Variants in KLHL12 observed in about 807,000 individuals in gnomAD.
KLHL12 encodes kelch like family member 12.
Under a neutral mutation model 60.8 loss-of-function variants are expected in KLHL12, and 17 were observed. That is an observed-to-expected ratio of 0.28 (90% confidence interval 0.19 to 0.42). KLHL12 has a LOEUF of 0.42. KLHL12 is among the 10% of genes least tolerant of loss of function. The pLI is 1.00. For synonymous variants in KLHL12, 220 were observed against 250.9 expected, an observed-to-expected ratio of 0.88 and a Z score of 1.16; for missense variants, 468 against 722.3, an observed-to-expected ratio of 0.65 and a Z score of 4.04.
intron 4 of KLHL12, chr1:202,912,652 A>G (rs1660400974): frequency 1.5e-6 from 2 of 1,301,402 alleles, no homozygotes; most frequent in Non-Finnish European, 2.2e-6. Flanking sequence ...GGAGGCCAAT[A>G]CTCTGCCAAA....
At chr1:202,912,642 G>A (rs1660400782) in intron 4 of KLHL12, 3 of 1,328,992 alleles carry the variant, frequency 2.3e-6, no homozygotes, top group South Asian at 2.3e-5. Context: ...CTATGGCGGT[G>A]GAGGCCAATA....
Position 202,906,876 on chromosome 1 carries a change from G to T in KLHL12, c.832+2134C>A, listed in dbSNP as rs1181976807. Among the ~76,000 whole-genome samples the T allele has an allele frequency of 3.9e-5, 6 of 152,070 alleles. No individual in the cohort carries two copies. The East Asian group carries it at 1.2e-3, about 29-fold the overall frequency. On this transcript the variant is annotated intron_variant, in intron 6 of 11. Transcript: ENST00000367261. ...GGGGTTTCACCATGTTGGCCAGGCT[G>T]GTCTCGAACTACTGACCTCAAGTGA...
chr1:202,896,283 C>A (rs1659830657), intron 7 of KLHL12, among the ~76,000 whole-genome samples: 1 of 152,130 alleles, frequency 6.6e-6, no homozygotes, highest in Non-Finnish European at 1.5e-5. Flanking sequence ...AACTCCTGGG[C>A]TCAAGCAATC....
In KLHL12 at chr1:202,894,621, C is replaced by A; in HGVS notation, c.1264G>T (p.Val422Leu). 1.2e-6 allele frequency: 2 copies of A among 1,614,156 alleles called. No individual in the cohort carries two copies. Among genetic ancestry groups the A allele is most frequent in the Non-Finnish European group, 1.7e-6 (2 of 1,180,030 alleles). ...CAGTAGATCACTCCACTGGCCACTA[C>A]GAGTCCGGCACCTTCCCGGGCTGTC... is the stretch of plus-strand genomic sequence containing the variant. ...MQTAREGAGL[V>L]VASGVIYCLG... The change falls in exon 9 of 12, where the codon GTA becomes TTA. Residue 422 changes from valine to leucine, a missense_variant. Physicochemically the swap from Val to Leu is conservative, Grantham distance 32. Transcript: ENST00000367261.
chr1:202,912,215 T>C, intron 4 of KLHL12: 1 of 1,085,440 alleles, frequency 9.2e-7, no homozygotes, highest in Non-Finnish European at 1.4e-6. Context: ...CGGAAGTGAT[T>C]GAAATCATGA....
intron 6 of KLHL12, among the ~76,000 whole-genome samples, chr1:202,906,532 C>T (rs1289124162): frequency 6.8e-6 from 1 of 147,852 alleles, no homozygotes; most frequent in African/African-American, 2.5e-5. Flanking sequence ...TTAATGGGTA[C>T]AGAGTTTCAG....
At chr1:202,900,629 C>T (rs929991152) in intron 6 of KLHL12, among the ~76,000 whole-genome samples, 2 of 152,032 alleles carry the variant, frequency 1.3e-5, no homozygotes, top group Non-Finnish European at 2.9e-5. Flanking sequence ...TTTGGGAGGC[C>T]GAGGCGGGTG....
At position 202,895,251 on chromosome 1, in the gene KLHL12, G is replaced by A. The variant is rs1201922394; in HGVS notation, c.1135+271C>T. On this transcript the variant is annotated intron_variant, in intron 8 of 11. Transcript: ENST00000367261. The surrounding 1 kb of genome is among the most constrained non-coding windows in gnomAD (Gnocchi z 4.2). Reference sequence around the variant, plus strand: ...TACTAAAAATACAAAAATATAGCTGGGCATGGTGGTGCATGCCTGTAGTCC... The same window carrying A: ...TACTAAAAATACAAAAATATAGCTGAGCATGGTGGTGCATGCCTGTAGTCC... Among the ~76,000 whole-genome samples the A allele has an allele frequency of 6.6e-6, 1 of 151,906 alleles. No individual in the cohort carries two copies. The highest frequency in any genetic ancestry group is 1.5e-5 in the Non-Finnish European group (1 of 67,972).
intron 4 of KLHL12, chr1:202,912,239 T>A: frequency 9.0e-7 from 1 of 1,111,212 alleles, no homozygotes; most frequent in Non-Finnish European, 1.4e-6. Context: ...ACTGAGGCAG[T>A]GGCAAGAAAA....
Position 202,894,734 on chromosome 1 carries a change from G to C in KLHL12, c.1151C>G (p.Ser384Cys). ...ATTLGDMIYV[S>C]GGFDGSRRHT... ...ACGCCTGCTTCCATCAAAGCCTCCA[G>C]AGACATAGATCATATCTGCTCAGAA... The change falls in exon 9 of 12, where the codon TCT becomes TGT. Residue 384 changes from serine to cysteine, a missense_variant. Transcript: ENST00000367261. The C allele has an allele frequency of 6.2e-7, 1 of 1,613,682 alleles. No homozygotes were observed. Among genetic ancestry groups the C allele is most frequent in the Non-Finnish European group, 8.5e-7 (1 of 1,179,590 alleles).
intron 6 of KLHL12, among the ~76,000 whole-genome samples, chr1:202,903,158 TCAAA>T (rs1453103474): frequency 1.9e-4 from 3 of 15,438 alleles, no homozygotes; most frequent in African/African-American, 3.0e-4. Flanking sequence ...AGACCTTGTC[TCAAA>T]AAAAAAAAAA....
rs1278420673 is a variant in KLHL12, at chr1:202,924,908, T to C, written c.195+60A>G. The C allele has an allele frequency of 8.3e-6, 13 of 1,558,512 alleles. No individual in the cohort carries two copies. The East Asian group carries it at 9.0e-5, about 11-fold the overall frequency. On this transcript the variant is annotated intron_variant, in intron 2 of 11. Coordinates refer to ENST00000367261, the MANE Select transcript of KLHL12 (RefSeq NM_021633.4). ...ATCAAACTTCCACTATTTTATTCAG[T>C]GAAATTAGACAACTAGAGTTCCACG... is the stretch of plus-strand genomic sequence containing the variant.
At chr1:202,901,202 C>T (rs4950887) in intron 6 of KLHL12, among the ~76,000 whole-genome samples, 118,768 of 152,124 alleles carry the variant, frequency 0.78, 47,625 homozygotes, top group East Asian at 0.9. Flanking sequence ...CCAATAAACA[C>T]TCTGGTAACT....
intron 2 of KLHL12, among the ~76,000 whole-genome samples, chr1:202,923,559 C>T (rs189666976): frequency 1.3e-5 from 2 of 152,208 alleles, no homozygotes; most frequent in East Asian, 3.9e-4. Context: ...ATTCATACTT[C>T]GGAGGCTAAG....
chr1:202,897,499 C>T (rs1659878175), intron 6 of KLHL12, among the ~76,000 whole-genome samples: 1 of 152,004 alleles, frequency 6.6e-6, no homozygotes, highest in African/African-American at 2.4e-5. Context: ...GCTGGGATTA[C>T]AGGTGTGAGT....
At chr1:202,914,864 T>TAAAAAAAAAAA in intron 4 of KLHL12, 1 of 109,870 alleles carries the variant, frequency 9.1e-6, no homozygotes, top group Non-Finnish European at 1.9e-5. Context: ...AAACTCCGTC[T>TAAAAAAAAAAA]AAAAAAAAAA....
At position 202,895,426 on chromosome 1, in the gene KLHL12, T is replaced by C; in HGVS notation, c.1135+96A>G. The C allele has an allele frequency of 9.5e-7, 1 of 1,053,486 alleles. No individual in the cohort carries two copies. Among genetic ancestry groups the C allele is most frequent in the Non-Finnish European group, 1.4e-6 (1 of 716,184 alleles). The allele number at this position is 1,053,486 out of a possible 1,614,324, so 65.3% of individuals were successfully genotyped here. ...AATAACATTTGACCTTAATTTTTTC[T>C]CCGTATTTCATGCTCCTGCCAGACA... is the stretch of plus-strand genomic sequence containing the variant. On this transcript the variant is annotated intron_variant, in intron 8 of 11. Coordinates refer to ENST00000367261, the MANE Select transcript of KLHL12 (RefSeq NM_021633.4). The surrounding 1 kb of genome is among the most constrained non-coding windows in gnomAD (Gnocchi z 4.2).
intron 4 of KLHL12, among the ~76,000 whole-genome samples, chr1:202,911,484 T>C (rs1402695448): frequency 2.0e-5 from 3 of 151,956 alleles, no homozygotes; most frequent in Non-Finnish European, 4.4e-5. Context: ...CTCTCTAAGA[T>C]AGATAGTACC....
intron 6 of KLHL12, among the ~76,000 whole-genome samples, chr1:202,900,604 C>T (rs1400475863): frequency 2.0e-5 from 3 of 152,082 alleles, no homozygotes; most frequent in Non-Finnish European, 4.4e-5. Context: ...TGGCTCACGC[C>T]TGTAATCACA....
Sources: allele counts gnomAD v4.1 joint callset (sites outside exome capture counted in the v4.1 genomes callset), GRCh38; gene constraint gnomAD v4.1.1; non-coding constraint Gnocchi (gnomAD v3.1); transcripts MANE v1.5; gene names NCBI Gene and HGNC (gene_info 2026-07-23, HGNC 2026-07-21).